GPD2: variants seen among roughly 807,000 people sequenced by gnomAD.
The protein encoded by GPD2 is glycerol-3-phosphate dehydrogenase 2, also known as glycerol-3-phosphate dehydrogenase, mitochondrial.
A neutral mutation model predicts 82.4 loss-of-function variants in GPD2; 54 were observed. The observed-to-expected ratio is 0.66, with a 90% CI of 0.53 to 0.82. GPD2 has a LOEUF of 0.82. Among genes scored for constraint, GPD2 ranks in the 40% least tolerant of loss-of-function variants. GPD2 has a pLI of 0.00. For missense variants in GPD2, 748 were observed against 896.2 expected, an observed-to-expected ratio of 0.83 and a Z score of 2.11; for synonymous variants, 288 against 306.1, an observed-to-expected ratio of 0.94 and a Z score of 0.62.
At chr2:156,467,579 A>C (rs1683191970) in intron 1 of GPD2, among the ~76,000 whole-genome samples, 1 of 152,204 alleles carries the variant, frequency 6.6e-6, no homozygotes, top group Non-Finnish European at 1.5e-5. Flanking sequence ...AATAGAGAAA[A>C]GGCTAAAGAA....
At chr2:156,405,279 T>C in the GPD2 span, among the ~76,000 whole-genome samples, 1 of 152,164 alleles carries the variant, frequency 6.6e-6, no homozygotes, top group East Asian at 1.9e-4. Flanking sequence ...TGTAAAGCGC[T>C]CATTTTTGGA....
At chr2:156,520,633 A>G in intron 6 of GPD2, among the ~76,000 whole-genome samples, 1 of 151,118 alleles carries the variant, frequency 6.6e-6, no homozygotes, top group East Asian at 1.9e-4. Flanking sequence ...TCGCTCAAGC[A>G]GGGTCCAGTG....
At chr2:156,402,676 C>G in the GPD2 span, among the ~76,000 whole-genome samples, 148,940 of 152,132 alleles carry the variant, frequency 0.98, 72,981 homozygotes, top group East Asian at 1. Flanking sequence ...TTGTTTGTTT[C>G]TTTATTTATT....
chr2:156,525,997 A>G (rs1271935825), intron 6 of GPD2, among the ~76,000 whole-genome samples: 1 of 152,082 alleles, frequency 6.6e-6, no homozygotes, highest in African/African-American at 2.4e-5. Flanking sequence ...TTATATGTAC[A>G]CTTGTTTTTG....
intron 16 of GPD2, among the ~76,000 whole-genome samples, chr2:156,581,247 G>A (rs1223745883): frequency 1.3e-5 from 2 of 152,004 alleles, no homozygotes; most frequent in Non-Finnish European, 2.9e-5. Flanking sequence ...CAAATACACA[G>A]TGTGATTTTC....
intron 8 of GPD2, among the ~76,000 whole-genome samples, chr2:156,556,155 A>G (rs1358775533): frequency 6.6e-6 from 1 of 152,196 alleles, no homozygotes; most frequent in Middle Eastern, 3.2e-3. Context: ...TGTTAAGGGA[A>G]TGATGATAAA....
intron 2 of GPD2, among the ~76,000 whole-genome samples, chr2:156,487,611 A>G (rs1046687850): frequency 2.0e-5 from 3 of 152,226 alleles, no homozygotes; most frequent in Non-Finnish European, 2.9e-5. Flanking sequence ...CTCACTGGTC[A>G]AAAGATTCCT....
intron 6 of GPD2, among the ~76,000 whole-genome samples, chr2:156,543,821 A>G (rs1164655546): frequency 6.6e-6 from 1 of 152,142 alleles, no homozygotes; most frequent in Non-Finnish European, 1.5e-5. Context: ...GGCTGTTGGA[A>G]TCATTATTTA....
At chr2:156,451,285 G>GC (rs1188552838) in intron 1 of GPD2, among the ~76,000 whole-genome samples, 3 of 144,478 alleles carry the variant, frequency 2.1e-5, no homozygotes, top group Non-Finnish European at 4.7e-5. Flanking sequence ...AGCTGGCAGG[G>GC]CGGGGGGCTG....
intron 6 of GPD2, among the ~76,000 whole-genome samples, chr2:156,548,165 A>G (rs1488312302): frequency 6.6e-6 from 1 of 152,234 alleles, no homozygotes; most frequent in African/African-American, 2.4e-5. Flanking sequence ...GACTGTTTTC[A>G]TGCATTTAGT....
chr2:156,444,213 G>A (rs569606099), intron 1 of GPD2, among the ~76,000 whole-genome samples: 1 of 152,334 alleles, frequency 6.6e-6, no homozygotes, highest in Non-Finnish European at 1.5e-5. Context: ...ATTACCTGGA[G>A]TTTGGGGTTT....
Position 156,539,674 on chromosome 2 carries a change from C to T in GPD2, c.662-9934C>T, listed in dbSNP as rs186200574. Among the ~76,000 whole-genome samples the T allele has an allele frequency of 1.3e-5, 2 of 152,298 alleles. 1 individual carries two copies. Among genetic ancestry groups the T allele is most frequent in the East Asian group, 3.9e-4 (2 of 5,184 alleles). ...ATTATGTAGCTCACACTCGAAATCACCCCTGGGGCAGGTTGAGCCATTCCA... is the reference window on the plus strand; with the variant it reads ...ATTATGTAGCTCACACTCGAAATCATCCCTGGGGCAGGTTGAGCCATTCCA... On this transcript the variant is annotated intron_variant, in intron 6 of 16. Transcript: ENST00000438166.
At chr2:156,474,662 G>A (rs1683443401) in intron 1 of GPD2, among the ~76,000 whole-genome samples, 1 of 152,090 alleles carries the variant, frequency 6.6e-6, no homozygotes, top group Non-Finnish European at 1.5e-5. Flanking sequence ...ATTTTTGATG[G>A]AATTTTCATT....
intron 13 of GPD2, among the ~76,000 whole-genome samples, chr2:156,576,996 C>G (rs1206582351): frequency 6.6e-6 from 1 of 152,138 alleles, no homozygotes; most frequent in Non-Finnish European, 1.5e-5. Flanking sequence ...ACTTCACAGA[C>G]AAGTTTTGTA....
chr2:156,402,262 G>A, the GPD2 span, among the ~76,000 whole-genome samples: 1 of 152,144 alleles, frequency 6.6e-6, no homozygotes, highest in South Asian at 2.1e-4. Context: ...ATAATCGAAT[G>A]GTGTTAGAGA....
intron 2 of GPD2, among the ~76,000 whole-genome samples, 179 bp from the exon 3 acceptor site, chr2:156,495,865 G>A (rs750509075): frequency 9.2e-5 from 14 of 152,028 alleles, no homozygotes; most frequent in Non-Finnish European, 2.9e-5. Flanking sequence ...GAAATACACC[G>A]AGAAATGTAA....
At chr2:156,493,149 A>G (rs1558926174) in intron 2 of GPD2, among the ~76,000 whole-genome samples, 1 of 152,188 alleles carries the variant, frequency 6.6e-6, no homozygotes, top group Non-Finnish European at 1.5e-5. Flanking sequence ...TTTGGGCAGT[A>G]GAGTGACTCA....
At chr2:156,509,061 A>G (rs1684889766) in intron 3 of GPD2, among the ~76,000 whole-genome samples, 1 of 152,188 alleles carries the variant, frequency 6.6e-6, no homozygotes. Context: ...CTGTGTTCTT[A>G]GAATATTCAC....
At chr2:156,435,779 C>T (rs1365379361), upstream of GPD2, 1 of 152,376 alleles carries the variant, frequency 6.6e-6, no homozygotes, top group East Asian at 1.9e-4. Flanking sequence ...AGCCAGATCC[C>T]AGGGCGGACA....
Sources: allele counts gnomAD v4.1 joint callset (sites outside exome capture counted in the v4.1 genomes callset), GRCh38; gene constraint gnomAD v4.1.1; transcripts MANE v1.5; gene names NCBI Gene and HGNC (gene_info 2026-07-23, HGNC 2026-07-21).